TOR1AIP1: variants seen among roughly 807,000 people sequenced by gnomAD.
TOR1AIP1 encodes torsin-1A-interacting protein 1.
A neutral mutation model predicts 63.3 loss-of-function variants in TOR1AIP1; 54 were observed. That is an observed-to-expected ratio of 0.85 (90% CI 0.69 to 1.07). The LOEUF (loss-of-function observed/expected upper bound fraction) is 1.07. Ranked by LOEUF, TOR1AIP1 falls within the 50% of genes least tolerant of loss-of-function variation. The pLI, the probability that TOR1AIP1 is intolerant of heterozygous loss-of-function variation, is 0.00. For missense variants in TOR1AIP1, 736 were observed against 715.0 expected (o/e 1.03, Z -0.33); for synonymous variants, 294 against 273.5 (o/e 1.07, Z -0.74).
chr1:179,900,275 G>T, intron 4 of TOR1AIP1, 108 bp downstream of exon 4: 1 of 704,064 alleles, frequency 1.4e-6, no homozygotes, highest in Non-Finnish European at 2.4e-6. Context: ...GGGGACTGTG[G>T]CACATGCCTG....
chr1:179,913,382 C>T (rs1433984717), intron 8 of TOR1AIP1, among the ~76,000 whole-genome samples: 1 of 152,036 alleles, frequency 6.6e-6, no homozygotes, highest in Non-Finnish European at 1.5e-5. Context: ...TATTACTTGT[C>T]TATTAACAGA....
At chr1:179,887,196 G>A (rs190514892) in intron 2 of TOR1AIP1, among the ~76,000 whole-genome samples, 6 of 151,672 alleles carry the variant, frequency 4.0e-5, no homozygotes, top group Non-Finnish European at 7.4e-5. Context: ...TCAGGAGTTC[G>A]AGACCAGCCT....
At chr1:179,889,863 C>T (rs1216744823) in intron 3 of TOR1AIP1, among the ~76,000 whole-genome samples, 1 of 152,064 alleles carries the variant, frequency 6.6e-6, no homozygotes, top group Non-Finnish European at 1.5e-5. Context: ...ATGTTACCCA[C>T]ATGATCTCAA....
intron 8 of TOR1AIP1, among the ~76,000 whole-genome samples, chr1:179,910,385 C>T (rs551865190): frequency 6.6e-5 from 10 of 152,276 alleles, no homozygotes; most frequent in Non-Finnish European, 1.0e-4. Context: ...AAATGACATG[C>T]GTGGCTCTGC....
rs1647995889 is a variant in TOR1AIP1, at chr1:179,889,351, C to A, written c.592C>A (p.Leu198Ile). 1.2e-6 allele frequency: 2 copies of A among 1,607,434 alleles called. No homozygotes were observed. The highest frequency in any genetic ancestry group is 1.7e-6 in the Non-Finnish European group (2 of 1,175,222). Reference protein sequence around the residue: ...DLVIRLRRPPLRYPRYEATSV... With the variant: ...DLVIRLRRPPIRYPRYEATSV... ...TGTAATCAGGTTACGTCGACCCCCT[C>A]TAAGATACCCAAGATATGGTAAGAG... The change falls in exon 3 of 10, where the codon CTA (leucine) becomes ATA (isoleucine). Residue 198 changes from leucine to isoleucine, a missense_variant. Around this residue, in one of 2 missense-constraint regions of TOR1AIP1, gnomAD observed 464 missense variants for 371.0 expected, o/e 1.25. Transcript: ENST00000606911.
chr1:179,907,704 TG>T (rs1488358328), intron 6 of TOR1AIP1, 118 bp from the exon 7 acceptor site: 6 of 462,022 alleles, frequency 1.3e-5, no homozygotes, highest in Non-Finnish European at 1.9e-5. Flanking sequence ...GATGAGAGAA[TG>T]TTTTTTGTCT....
chr1:179,901,284 T>G lies in TOR1AIP1; in HGVS notation c.653-18T>G. 7 of 1,563,340 alleles carry G rather than the reference T, an allele frequency of 4.5e-6. No homozygotes were observed. The highest frequency in any genetic ancestry group is 2.2e-5 in the East Asian group (1 of 44,484). The stretch of plus-strand genomic sequence containing the variant: ...CATTAAAATAGACTATATTAGTATA[T>G]TGTTTACTTCTCTTTAGGAGAAACT... On this transcript the variant is annotated intron_variant, in intron 4 of 9. Transcript: ENST00000606911.
rs146243387 is a variant in TOR1AIP1, at chr1:179,912,058, T to C, written c.908-1940T>C. 5.3e-3 allele frequency among the ~76,000 whole-genome samples: 787 copies of C among 148,394 alleles called. 9 individuals are homozygous for C. Among genetic ancestry groups the C allele is most frequent in the South Asian group, 0.02 (96 of 4,708 alleles). On this transcript the variant is annotated intron_variant, in intron 8 of 9. Coordinates refer to ENST00000606911, the MANE Select transcript of TOR1AIP1 (RefSeq NM_015602.4). ...TTTCTTTTTTTTGAAACGGTCTTGC[T>C]CTGTTGCCTAGGCTGGAGTGCAGTG...
At chr1:179,901,205 C>G (rs1648454446) in intron 4 of TOR1AIP1, 97 bp from the exon 5 acceptor site, 3 of 694,166 alleles carry the variant, frequency 4.3e-6, no homozygotes, top group Non-Finnish European at 6.8e-6. Context: ...ACTTAAAAGG[C>G]TTCTTTTAAT....
At chr1:179,917,113 CAACT>C (rs906982355) in intron 9 of TOR1AIP1, among the ~76,000 whole-genome samples, 54 of 152,212 alleles carry the variant, frequency 3.5e-4, no homozygotes, top group African/African-American at 1.2e-3. Flanking sequence ...TCTATTCTCC[CAACT>C]ATTAGCAGTG....
Position 179,888,769 on chromosome 1 carries a change from G to A in TOR1AIP1, c.554-544G>A, listed in dbSNP as rs143976007. Among the ~76,000 whole-genome samples, 504 of 152,208 alleles carry A rather than the reference G, an allele frequency of 3.3e-3. 19 individuals are homozygous for A. Among genetic ancestry groups the A allele is most frequent in the Admixed American group, 0.024 (363 of 15,282 alleles). ...CTAAAATTAACATTTTAATAGGATC[G>A]GCTTCTCCGCTATCCCTATGCCATT... On this transcript the variant is annotated intron_variant, in intron 2 of 9. Coordinates refer to ENST00000606911, the MANE Select transcript of TOR1AIP1 (RefSeq NM_015602.4).
chr1:179,902,993 G>A (rs1239529921), intron 5 of TOR1AIP1, among the ~76,000 whole-genome samples: 7 of 150,582 alleles, frequency 4.6e-5, no homozygotes, highest in Non-Finnish European at 7.4e-5. Flanking sequence ...GCAACAGAGC[G>A]AGACTCCATC....
At chr1:179,904,164 C>A in intron 6 of TOR1AIP1, 142 bp downstream of exon 6, 1 of 598,664 alleles carries the variant, frequency 1.7e-6, no homozygotes, top group Non-Finnish European at 2.8e-6. Flanking sequence ...TCCGATATCT[C>A]TCTACCACTT....
intron 3 of TOR1AIP1, among the ~76,000 whole-genome samples, chr1:179,894,703 G>A (rs1052659951): frequency 6.6e-6 from 1 of 152,040 alleles, no homozygotes; most frequent in African/African-American, 2.4e-5. Context: ...AAAAAGAAAG[G>A]AAGGAAGCAA....
At chr1:179,900,032 A>G in intron 3 of TOR1AIP1, 94 bp from the exon 4 acceptor site, 1 of 900,306 alleles carries the variant, frequency 1.1e-6, no homozygotes, top group East Asian at 2.6e-5. Context: ...ATTTATTCCT[A>G]AGCTTTAACT....
Position 179,914,156 on chromosome 1 carries a change from G to A in TOR1AIP1, c.964+102G>A, listed in dbSNP as rs114029244. On this transcript the variant is annotated intron_variant, in intron 9 of 9. Coordinates refer to ENST00000606911, the MANE Select transcript of TOR1AIP1 (RefSeq NM_015602.4). ...ACAGCAGTATGACTCGATGCTATTT[G>A]AAGAATCACATTTTAAGCACTTGAG... is the stretch of plus-strand genomic sequence containing the variant. 2,169 of 1,008,734 alleles carry A rather than the reference G, an allele frequency of 2.2e-3. 41 individuals are homozygous for A. In the African/African-American group the frequency reaches 0.033, roughly 15 times the overall value. 62.5% of individuals were successfully genotyped at this position (1,008,734 alleles called of 1,614,324 possible).
intron 8 of TOR1AIP1, among the ~76,000 whole-genome samples, chr1:179,911,570 G>C: frequency 6.6e-6 from 1 of 152,220 alleles, no homozygotes; most frequent in East Asian, 1.9e-4. Context: ...GAATATATGT[G>C]CATGGAGAGG....
At chr1:179,896,479 GT>G (rs59861766) in intron 3 of TOR1AIP1, among the ~76,000 whole-genome samples, 137,923 of 148,422 alleles carry the variant, frequency 0.93, 64,156 homozygotes, top group Middle Eastern at 0.97. Flanking sequence ...AGCCATTCAG[GT>G]TTTTTTTTTT....
At chr1:179,889,841 T>C (rs1648015016) in intron 3 of TOR1AIP1, among the ~76,000 whole-genome samples, 1 of 152,038 alleles carries the variant, frequency 6.6e-6, no homozygotes, top group African/African-American at 2.4e-5. Flanking sequence ...TTTGTAGAGA[T>C]GGGGTTTTGC....
Sources: gnomAD v4.1 joint callset for allele counts (sites outside exome capture counted in the v4.1 genomes callset) on GRCh38, gnomAD v4.1.1 for gene constraint, gnomAD v4.1.1 regional missense constraint, MANE v1.5 for transcripts, NCBI Gene and HGNC (gene_info 2026-07-23, HGNC 2026-07-21) for gene names.